Variants in PKP4 observed in about 807,000 individuals in gnomAD.
PKP4 encodes the protein plakophilin-4.
Under a neutral mutation model 145.1 loss-of-function variants are expected in PKP4, and 90 were observed. That is an observed-to-expected ratio of 0.62 (90% confidence interval 0.52 to 0.74). The LOEUF (loss-of-function observed/expected upper bound fraction) is 0.74. Among genes scored for constraint, PKP4 ranks in the 30% least tolerant of loss-of-function variants. The pLI, the probability that PKP4 is intolerant of heterozygous loss-of-function variation, is 0.00. For missense variants in PKP4, 1,340 were observed against 1,482.7 expected, an observed-to-expected ratio of 0.90 and a Z score of 1.58; for synonymous variants, 563 against 577.2, an observed-to-expected ratio of 0.98 and a Z score of 0.35.
chr2:158,609,016 C>T (rs1471904873), intron 4 of PKP4, among the ~76,000 whole-genome samples: 2 of 151,668 alleles, frequency 1.3e-5, no homozygotes, highest in East Asian at 1.9e-4. Context: ...AGGGTTTTGA[C>T]ATATTGGCCA....
At chr2:158,580,180 T>C (rs2048215300) in intron 3 of PKP4, among the ~76,000 whole-genome samples, 1 of 152,216 alleles carries the variant, frequency 6.6e-6, no homozygotes, top group African/African-American at 2.4e-5. Context: ...TTAAATAATT[T>C]TAAGGCTATA....
chr2:158,659,527 G>A (rs2105972512), intron 12 of PKP4: 1 of 152,350 alleles, frequency 6.6e-6, no homozygotes, highest in African/African-American at 2.4e-5. Flanking sequence ...AAGGAAACAA[G>A]AAAATAACAG....
intron 1 of PKP4, among the ~76,000 whole-genome samples, chr2:158,476,897 T>C (rs896577733): frequency 6.6e-6 from 1 of 152,184 alleles, no homozygotes; most frequent in Non-Finnish European, 1.5e-5. Context: ...TGCATGTACA[T>C]ATCTAAAAGA....
rs749362592 is a variant in PKP4 at position 158,642,694 on chromosome 2, T to C, written c.1904T>C (p.Val635Ala). Reference protein sequence around the residue: ...KSIDAEVRELVTGVLWNLSSC... With the variant: ...KSIDAEVRELATGVLWNLSSC... The stretch of plus-strand genomic sequence containing the variant: ...ATTGATGCAGAAGTAAGGGAGCTTG[T>C]TACAGGTAGGTATAGAATGTGATCT... The change falls in exon 11 of 22, where the codon GTT becomes GCT. Residue 635 changes from valine (V) to alanine (A), a missense_variant. Coordinates refer to ENST00000389759, the MANE Select transcript of PKP4 (RefSeq NM_003628.6). The C allele has an allele frequency of 6.3e-7, 1 of 1,597,582 alleles. No individual in the cohort carries two copies. Among genetic ancestry groups the C allele is most frequent in the South Asian group, 1.1e-5 (1 of 88,526 alleles).
chr2:158,565,435 C>CTTTTTTTTTTT (rs10690465), intron 2 of PKP4, among the ~76,000 whole-genome samples: 7 of 135,748 alleles, frequency 5.2e-5, no homozygotes, highest in African/African-American at 8.2e-5. Context: ...TTCTTTTTTC[C>CTTTTTTTTTTT]TTTTTTTTTT....
rs67665979 is a variant in PKP4, at chr2:158,472,612, CAAAAAA to C, written c.-6+15410_-6+15415del. On this transcript the variant is annotated intron_variant, in intron 1 of 21. Transcript: ENST00000389759. ...TGGGACACAGAGCGAGGCTCCATCTCAAAAAAAAAAAAAAAAAAAAAGAATTAAAAA... is the reference window on the plus strand; with the variant it reads ...TGGGACACAGAGCGAGGCTCCATCTCAAAAAAAAAAAAAAAGAATTAAAAA... Among the ~76,000 whole-genome samples the C allele has an allele frequency of 1.5e-4, 10 of 65,164 alleles. No homozygotes were observed. The South Asian group carries it at 1.9e-3, about 12-fold the overall frequency. 42.8% of individuals were successfully genotyped at this position (65,164 alleles called of 152,430 possible). A position where few individuals can be genotyped will look rare whatever the true frequency, so the allele number is the denominator to read the frequency against.
intron 3 of PKP4, among the ~76,000 whole-genome samples, 189 bp downstream of exon 3, chr2:158,577,572 G>A (rs1011493413): frequency 1.3e-5 from 2 of 152,168 alleles, no homozygotes; most frequent in African/African-American, 4.8e-5. Flanking sequence ...TGCTTGAAAT[G>A]TTTTCTATAG....
chr2:158,642,378 A>G, intron 10 of PKP4, 108 bp from the exon 11 acceptor site: 1 of 795,328 alleles, frequency 1.3e-6, no homozygotes, highest in East Asian at 2.5e-5. Context: ...AACCTTTGAA[A>G]TGGTCTAGAG....
At chr2:158,513,939 C>T (rs948630414) in intron 1 of PKP4, among the ~76,000 whole-genome samples, 8 of 152,180 alleles carry the variant, frequency 5.3e-5, no homozygotes, top group African/African-American at 1.9e-4. Flanking sequence ...GTCTCATCTT[C>T]CCTGACGACC....
chr2:158,472,521 G>A (rs753706367), intron 1 of PKP4, among the ~76,000 whole-genome samples: 4 of 148,318 alleles, frequency 2.7e-5, no homozygotes, highest in South Asian at 2.1e-4. Context: ...GCTGAGGCAG[G>A]AGAATGGTGG....
At chr2:158,474,231 A>G (rs1034432411) in intron 1 of PKP4, among the ~76,000 whole-genome samples, 8 of 152,246 alleles carry the variant, frequency 5.3e-5, no homozygotes, top group Non-Finnish European at 1.2e-4. Flanking sequence ...CGAAAGTACA[A>G]GACTCTGGCT....
At chr2:158,463,441 TCAG>T (rs959009816) in intron 1 of PKP4, among the ~76,000 whole-genome samples, 7 of 145,378 alleles carry the variant, frequency 4.8e-5, no homozygotes, top group Non-Finnish European at 7.5e-5. Context: ...ATATTTGAAA[TCAG>T]CAGGAGACTC....
intron 1 of PKP4, among the ~76,000 whole-genome samples, chr2:158,473,225 T>A (rs1465849816): frequency 6.6e-6 from 1 of 152,190 alleles, no homozygotes; most frequent in Non-Finnish European, 1.5e-5. Context: ...GTATGTTAGT[T>A]CAACCATTGT....
At position 158,640,559 on chromosome 2, in the gene PKP4, A is replaced by C. The variant is rs114217529; in HGVS notation, c.1563-68A>C. On this transcript the variant is annotated intron_variant, in intron 9 of 21. Transcript: ENST00000389759. ...CAGCTGAGCTTTTTTTCCTTATACC[A>C]AGTGTTTTTTTCAGTGTATTTTTAC... The C allele has an allele frequency of 3.7e-3, 5,680 of 1,538,546 alleles. 14 individuals carry two copies. The highest frequency in any genetic ancestry group is 4.2e-3 in the Non-Finnish European group (4,723 of 1,131,156).
intron 1 of PKP4, among the ~76,000 whole-genome samples, chr2:158,466,629 C>T (rs1361392197): frequency 1.3e-5 from 2 of 152,126 alleles, no homozygotes; most frequent in Non-Finnish European, 2.9e-5. Flanking sequence ...CACGTGAACC[C>T]GTGAGGCAGA....
Position 158,579,644 on chromosome 2 carries a change from A to T in PKP4, c.245+2261A>T, listed in dbSNP as rs537249719. ...GCAAAAGTAAAAAATTACAAAGAACATACTTATTCCTTAGAATGGAAATGG... is the reference window on the plus strand; with the variant it reads ...GCAAAAGTAAAAAATTACAAAGAACTTACTTATTCCTTAGAATGGAAATGG... On this transcript the variant is annotated intron_variant, in intron 3 of 21. Coordinates refer to ENST00000389759, the MANE Select transcript of PKP4 (RefSeq NM_003628.6). 3.2e-4 allele frequency among the ~76,000 whole-genome samples: 49 copies of T among 152,226 alleles called. 1 individual carries two copies. Among genetic ancestry groups the T allele is most frequent in the African/African-American group, 1.1e-3 (44 of 41,536 alleles).
At chr2:158,603,445 T>G (rs1162225563) in intron 4 of PKP4, among the ~76,000 whole-genome samples, 1 of 152,196 alleles carries the variant, frequency 6.6e-6, no homozygotes, top group Non-Finnish European at 1.5e-5. Flanking sequence ...GTTGGGTATT[T>G]CACTGTGTTT....
At chr2:158,675,851 A>G (rs2057958072) in intron 19 of PKP4, among the ~76,000 whole-genome samples, 1 of 152,196 alleles carries the variant, frequency 6.6e-6, no homozygotes, top group African/African-American at 2.4e-5. Context: ...AATTTATGCA[A>G]AACCACTGGT....
At chr2:158,638,906 C>T (rs1313030522) in intron 9 of PKP4, among the ~76,000 whole-genome samples, 1 of 152,200 alleles carries the variant, frequency 6.6e-6, no homozygotes. Flanking sequence ...TATTCTAGGG[C>T]ATTCTTTCCT....
Sources: gnomAD v4.1 joint callset for allele counts (sites outside exome capture counted in the v4.1 genomes callset) on GRCh38, gnomAD v4.1.1 for gene constraint, MANE v1.5 for transcripts, NCBI Gene and HGNC (gene_info 2026-07-23, HGNC 2026-07-21) for gene names.